EDA: variants seen among roughly 807,000 people sequenced by gnomAD.
The protein encoded by EDA is ectodysplasin A.
A neutral mutation model predicts 23.6 loss-of-function variants in EDA; 2 were observed. The observed-to-expected ratio is 0.08, with a 90% CI of 0.03 to 0.27. EDA has a LOEUF of 0.27. Ranked by LOEUF, EDA falls within the 10% of genes least tolerant of loss-of-function variation. EDA has a pLI of 1.00. For missense variants in EDA, 229 were observed against 324.2 expected (o/e 0.71, Z 2.26); for synonymous variants, 131 against 132.0 (o/e 0.99, Z 0.05).
At chrX:69,797,886 T>TA (rs916417175) in intron 1 of EDA, among the ~76,000 whole-genome samples, 9 of 111,958 alleles carry the variant, frequency 8.0e-5, no homozygotes, top group African/African-American at 1.3e-4. Context: ...AATGTATTTT[T>TA]AAAAAACATG....
intron 1 of EDA, among the ~76,000 whole-genome samples, chrX:69,704,760 C>T (rs910541735): frequency 9.0e-6 from 1 of 111,607 alleles, no homozygotes; most frequent in Admixed American, 9.5e-5. Flanking sequence ...TTCACTTAAA[C>T]TTGTATCCCA....
At chrX:69,705,881 T>C (rs181981008) in intron 1 of EDA, among the ~76,000 whole-genome samples, 1 of 112,212 alleles carries the variant, frequency 8.9e-6, no homozygotes, top group East Asian at 2.8e-4. Context: ...AGAACTCAGA[T>C]TTCAGCACTA....
chrX:69,705,300 G>A (rs973159407), intron 1 of EDA, among the ~76,000 whole-genome samples: 4 of 110,016 alleles, frequency 3.6e-5, no homozygotes, highest in Non-Finnish European at 7.6e-5. Flanking sequence ...CCCTCCATCT[G>A]CCTAAAGACT....
chrX:69,855,120 G>A (rs191006486), intron 1 of EDA, among the ~76,000 whole-genome samples: 2 of 111,057 alleles, frequency 1.8e-5, no homozygotes, highest in African/African-American at 6.6e-5. Context: ...CTTTTGAAAA[G>A]TGTCTGTTTA....
intron 2 of EDA, among the ~76,000 whole-genome samples, chrX:69,983,807 C>T (rs770663953): frequency 0.015 from 1,567 of 102,641 alleles, 36 homozygotes; most frequent in African/African-American, 0.054. Context: ...GTTGGCCTGC[C>T]TTGCTAGATT....
chrX:69,987,597 A>C (rs770195705), intron 2 of EDA, among the ~76,000 whole-genome samples: 9 of 95,842 alleles, frequency 9.4e-5, no homozygotes, highest in African/African-American at 2.6e-4. Context: ...AAACACTCTA[A>C]GAAAAGCCTG....
intron 1 of EDA, among the ~76,000 whole-genome samples, chrX:69,752,062 C>G (rs1267041834): frequency 9.0e-6 from 1 of 110,803 alleles, no homozygotes; most frequent in Non-Finnish European, 1.9e-5. Flanking sequence ...GTTGAATACC[C>G]TTTATTTCTT....
chrX:69,753,446 T>G (rs369755726), intron 1 of EDA, among the ~76,000 whole-genome samples: 14 of 112,074 alleles, frequency 1.2e-4, no homozygotes, highest in Non-Finnish European at 2.6e-4. Flanking sequence ...GAGAGACAGT[T>G]TGTTATAATT....
intron 1 of EDA, among the ~76,000 whole-genome samples, chrX:69,826,833 G>A (rs2147530143): frequency 9.0e-6 from 1 of 111,471 alleles, no homozygotes; most frequent in African/African-American, 3.3e-5. Context: ...TGCAGTGGCT[G>A]GAACCGGTTG....
chrX:69,621,391 A>G (rs944184520), intron 1 of EDA, among the ~76,000 whole-genome samples: 1 of 111,976 alleles, frequency 8.9e-6, no homozygotes, highest in Non-Finnish European at 1.9e-5. Context: ...AAAGTATATA[A>G]ATCATATTTG....
At chrX:69,712,158 T>C (rs2012080397) in intron 1 of EDA, among the ~76,000 whole-genome samples, 1 of 111,211 alleles carries the variant, frequency 9.0e-6, no homozygotes, top group African/African-American at 3.3e-5. Flanking sequence ...CTCTACACAC[T>C]GCTTTGAATG....
chrX:69,693,391 A>G (rs925744964), intron 1 of EDA, among the ~76,000 whole-genome samples: 2 of 111,582 alleles, frequency 1.8e-5, no homozygotes, highest in Admixed American at 9.5e-5. Flanking sequence ...ACCTAATTAC[A>G]TACTATACTG....
At chrX:70,015,701 T>C (rs1391379876) in intron 2 of EDA, among the ~76,000 whole-genome samples, 1 of 111,815 alleles carries the variant, frequency 8.9e-6, no homozygotes, top group African/African-American at 3.3e-5. Context: ...CCACCAGACC[T>C]TACAAGAGGT....
intron 1 of EDA, among the ~76,000 whole-genome samples, chrX:69,625,438 A>G (rs1427198141): frequency 9.0e-6 from 1 of 111,386 alleles, no homozygotes; most frequent in African/African-American, 3.3e-5. Context: ...GTATGAAGCT[A>G]CTATTATCAA....
At chrX:69,826,945 T>C (rs768629667) in intron 1 of EDA, among the ~76,000 whole-genome samples, 1 of 112,776 alleles carries the variant, frequency 8.9e-6, no homozygotes, top group Admixed American at 9.4e-5. Flanking sequence ...ATTTTATTTC[T>C]CCTTCACTTA....
At chrX:69,708,630 A>C (rs1016564731) in intron 1 of EDA, among the ~76,000 whole-genome samples, 2 of 111,187 alleles carry the variant, frequency 1.8e-5, no homozygotes, top group Non-Finnish European at 3.8e-5. Flanking sequence ...GTAATTTGGT[A>C]TTATTGTTCT....
At chrX:69,987,201 C>G (rs1189808853) in intron 2 of EDA, among the ~76,000 whole-genome samples, 1 of 97,340 alleles carries the variant, frequency 1.0e-5, no homozygotes, top group Non-Finnish European at 2.0e-5. Flanking sequence ...GTGCAGCGCA[C>G]CAGCATGGCA....
intron 1 of EDA, among the ~76,000 whole-genome samples, chrX:69,685,501 C>G (rs745663008): frequency 1.8e-5 from 2 of 111,821 alleles, no homozygotes; most frequent in African/African-American, 3.2e-5. Flanking sequence ...AATTTCAAAA[C>G]TTGAGTGAAC....
intron 2 of EDA, among the ~76,000 whole-genome samples, chrX:69,979,645 T>C (rs1470891340): frequency 8.9e-6 from 1 of 112,130 alleles, no homozygotes; most frequent in Admixed American, 9.5e-5. Context: ...TGACCGATGA[T>C]GTCAAGCATC....
Sources: allele counts gnomAD v4.1 joint callset (sites outside exome capture counted in the v4.1 genomes callset), GRCh38; gene constraint gnomAD v4.1.1; transcripts MANE v1.5; gene names NCBI Gene and HGNC (gene_info 2026-07-23, HGNC 2026-07-21).